The following SUSD4 variants were observed in gnomAD, a reference collection of about 807,000 sequenced individuals.
SUSD4 encodes sushi domain-containing protein 4.
Under a neutral mutation model 50.5 loss-of-function variants are expected in SUSD4, and 41 were observed. The observed-to-expected ratio is 0.81, with a 90% CI of 0.63 to 1.05. The LOEUF (loss-of-function observed/expected upper bound fraction) is 1.05. SUSD4 is among the 50% of genes least tolerant of loss of function. The pLI is 0.00. For missense variants in SUSD4, 580 were observed against 634.7 expected (o/e 0.91, Z 0.93); for synonymous variants, 257 against 257.3 (o/e 1.00, Z 0.01).
chr1:223,346,264 A>G (rs1364693799), intron 2 of SUSD4, among the ~76,000 whole-genome samples: 1 of 151,974 alleles, frequency 6.6e-6, no homozygotes, highest in Admixed American at 6.6e-5. Context: ...TGACTTAAAC[A>G]TGCTCCTCCG....
intron 5 of SUSD4, among the ~76,000 whole-genome samples, chr1:223,237,808 T>A (rs1660323413): frequency 6.6e-6 from 1 of 152,018 alleles, no homozygotes; most frequent in Non-Finnish European, 1.5e-5. Context: ...GCGATTTTCT[T>A]TTCTTGCAAT....
At chr1:223,245,832 C>T (rs952705950) in intron 5 of SUSD4, among the ~76,000 whole-genome samples, 25 of 152,088 alleles carry the variant, frequency 1.6e-4, no homozygotes, top group Non-Finnish European at 2.6e-4. Flanking sequence ...GGTGATTAGG[C>T]GGCTAGGAGA....
intron 2 of SUSD4, among the ~76,000 whole-genome samples, chr1:223,305,324 G>A (rs560704050): frequency 1.3e-5 from 2 of 152,228 alleles, no homozygotes; most frequent in South Asian, 4.2e-4. Flanking sequence ...ACAGGGAAGT[G>A]CATGTTTCTG....
At chr1:223,225,064 T>A (rs1431000072) in intron 7 of SUSD4, among the ~76,000 whole-genome samples, 1 of 151,850 alleles carries the variant, frequency 6.6e-6, no homozygotes, top group South Asian at 2.1e-4. Context: ...GAGACAAGGT[T>A]TCACCATGTT....
chr1:223,357,694 C>T (rs932167875), intron 2 of SUSD4, among the ~76,000 whole-genome samples: 2 of 152,336 alleles, frequency 1.3e-5, no homozygotes, highest in African/African-American at 2.4e-5. Context: ...TTGTCAATCA[C>T]GCAGATGTCG....
intron 5 of SUSD4, among the ~76,000 whole-genome samples, chr1:223,260,058 T>C (rs538359483): frequency 6.6e-6 from 1 of 152,162 alleles, no homozygotes; most frequent in East Asian, 1.9e-4. Context: ...ATGCCATAAA[T>C]GCCTGGGTAG....
At chr1:223,340,764 A>C (rs897439097) in intron 2 of SUSD4, among the ~76,000 whole-genome samples, 41 of 152,332 alleles carry the variant, frequency 2.7e-4, no homozygotes, top group African/African-American at 9.9e-4. Context: ...GACAGAACAC[A>C]TGCAAACAGG....
intron 2 of SUSD4, among the ~76,000 whole-genome samples, chr1:223,337,358 CATGA>C (rs535010021): frequency 4.6e-5 from 7 of 152,100 alleles, no homozygotes; most frequent in Admixed American, 4.6e-4. Flanking sequence ...TAGTACAATG[CATGA>C]ATGAATGAAT....
intron 2 of SUSD4, among the ~76,000 whole-genome samples, chr1:223,354,504 C>T (rs551275823): frequency 1.2e-4 from 19 of 152,320 alleles, no homozygotes; most frequent in African/African-American, 4.6e-4. Context: ...ATCAGAGGAA[C>T]TGTACATTTC....
At chr1:223,354,283 T>C (rs1387828009) in intron 2 of SUSD4, among the ~76,000 whole-genome samples, 1 of 151,916 alleles carries the variant, frequency 6.6e-6, no homozygotes, top group African/African-American at 2.4e-5. Flanking sequence ...GTGTTGTTGG[T>C]TTCTTAAAAA....
chr1:223,224,862 C>CT lies in SUSD4; in HGVS notation c.1062-1232dup, dbSNP rs11345619. 1.3e-3 allele frequency among the ~76,000 whole-genome samples: 75 copies of CT among 59,174 alleles called. 1 individual carries two copies. Among genetic ancestry groups the CT allele is most frequent in the Middle Eastern group, 9.8e-3 (1 of 102 alleles). The allele number at this position is 59,174 out of a possible 152,430, so 38.8% of individuals were successfully genotyped here. ...GTAGCCAATAGAACTTGGTTTCTTC[C>CT]TTTTTTTTTTTTTTTTTTTTTTTTT... is the stretch of plus-strand genomic sequence containing the variant. On this transcript the variant is annotated intron_variant, in intron 7 of 8. Coordinates refer to ENST00000366878, the MANE Select transcript of SUSD4 (RefSeq NM_017982.4).
intron 2 of SUSD4, among the ~76,000 whole-genome samples, chr1:223,359,670 A>C (rs569201769): frequency 6.6e-6 from 1 of 152,356 alleles, no homozygotes; most frequent in East Asian, 1.9e-4. Context: ...CCTGAGACAC[A>C]AACATGAATA....
intron 3 of SUSD4, among the ~76,000 whole-genome samples, chr1:223,282,163 C>A (rs1663790132): frequency 6.6e-6 from 1 of 152,148 alleles, no homozygotes; most frequent in African/African-American, 2.4e-5. Context: ...GAAGCATTCC[C>A]TTTGAAAACT....
intron 3 of SUSD4, chr1:223,289,225 A>G: frequency 1.0e-6 from 1 of 985,414 alleles, no homozygotes; most frequent in Non-Finnish European, 1.2e-6. Context: ...CCTGGGCCAT[A>G]GACATTTTCA....
intron 3 of SUSD4, among the ~76,000 whole-genome samples, chr1:223,287,208 C>G (rs538502357): frequency 2.6e-5 from 4 of 152,320 alleles, no homozygotes; most frequent in Admixed American, 2.6e-4. Context: ...CTCAGAGTAG[C>G]TGGGATCATA....
intron 2 of SUSD4, chr1:223,358,928 A>G (rs1668816126): frequency 3.2e-6 from 1 of 316,152 alleles, no homozygotes; most frequent in East Asian, 8.0e-5. Context: ...GTTTCTCAAT[A>G]AAACTAAGGG....
intron 2 of SUSD4, among the ~76,000 whole-genome samples, chr1:223,357,476 C>T (rs1422102565): frequency 1.3e-5 from 2 of 152,214 alleles, no homozygotes; most frequent in Admixed American, 6.5e-5. Context: ...CCATGCCCCA[C>T]TTGTAAGCCA....
intron 2 of SUSD4, among the ~76,000 whole-genome samples, chr1:223,352,725 T>A (rs190043403): frequency 6.6e-6 from 1 of 152,078 alleles, no homozygotes; most frequent in Admixed American, 6.6e-5. Context: ...GAGTTAGAGA[T>A]AGCAGGCAGC....
Position 223,268,674 on chromosome 1 carries a change from A to T in SUSD4, c.363T>A (p.Asp121Glu), listed in dbSNP as rs368185526. 1.7e-5 allele frequency: 28 copies of T among 1,608,540 alleles called. No individual in the cohort carries two copies. Among genetic ancestry groups the T allele is most frequent in the Non-Finnish European group, 2.4e-5 (28 of 1,177,422 alleles). The change falls in exon 4 of 9, where the codon GAT becomes GAA. Residue 121 changes from aspartate to glutamate, a missense_variant and splice_region_variant. Physicochemically the swap from Asp to Glu is conservative, Grantham distance 45. Coordinates refer to ENST00000366878, the MANE Select transcript of SUSD4 (RefSeq NM_017982.4). ...CATCTTCGATTTGAGGGATACGGCA[A>T]TCTGCAATTTTGTAAAAGGTACACA... Reference protein sequence around the residue: ...PSDNSICVQEDCRIPQIEDAE... With the variant: ...PSDNSICVQEECRIPQIEDAE...
Sources: allele counts gnomAD v4.1 joint callset (sites outside exome capture counted in the v4.1 genomes callset), GRCh38; gene constraint gnomAD v4.1.1; transcripts MANE v1.5; gene names NCBI Gene and HGNC (gene_info 2026-07-23, HGNC 2026-07-21).